Variants in RGS7 observed in about 807,000 individuals in gnomAD.
RGS7 encodes the protein regulator of G protein signaling 7.
RGS7 carries 27 observed loss-of-function variants against 81.1 expected under a neutral mutation model. The observed-to-expected ratio is 0.33, with a 90% confidence interval of 0.25 to 0.46. The LOEUF is 0.46. Among genes scored for constraint, RGS7 ranks in the 20% least tolerant of loss-of-function variants. The pLI is 1.00. For synonymous variants in RGS7, 208 were observed against 207.7 expected, an observed-to-expected ratio of 1.00 and a Z score of -0.01; for missense variants, 396 against 607.4, an observed-to-expected ratio of 0.65 and a Z score of 3.66.
At chr1:240,848,451 C>T (rs10926370) in intron 9 of RGS7, among the ~76,000 whole-genome samples, 105,896 of 151,854 alleles carry the variant, frequency 0.7, 37,886 homozygotes, top group Middle Eastern at 0.86. Context: ...TCAGGACACA[C>T]AATAATTTTT....
At chr1:241,301,297 G>A (rs2079739104) in intron 2 of RGS7, among the ~76,000 whole-genome samples, 1 of 152,200 alleles carries the variant, frequency 6.6e-6, no homozygotes, top group South Asian at 2.1e-4. Flanking sequence ...AATTTAATCA[G>A]CATTTACACC....
At chr1:241,001,873 G>A (rs1688190489) in intron 3 of RGS7, among the ~76,000 whole-genome samples, 1 of 152,032 alleles carries the variant, frequency 6.6e-6, no homozygotes, top group Admixed American at 6.6e-5. Context: ...ATAACCCATA[G>A]AATGCACAAC....
At chr1:241,009,540 A>G (rs2058849501) in intron 3 of RGS7, among the ~76,000 whole-genome samples, 1 of 152,230 alleles carries the variant, frequency 6.6e-6, no homozygotes, top group South Asian at 2.1e-4. Context: ...GAAGGAGTCT[A>G]TAGTGACCTG....
At chr1:241,030,389 T>C (rs6676088) in intron 3 of RGS7, among the ~76,000 whole-genome samples, 24,947 of 137,816 alleles carry the variant, frequency 0.18, 3,808 homozygotes, top group African/African-American at 0.36. Flanking sequence ...CACACATACA[T>C]ACACACACAC....
At chr1:241,132,761 G>C (rs1369926961) in intron 2 of RGS7, among the ~76,000 whole-genome samples, 1 of 152,056 alleles carries the variant, frequency 6.6e-6, no homozygotes, top group South Asian at 2.1e-4. Flanking sequence ...TTGTTTGTTT[G>C]TTTGTTTGTT....
intron 2 of RGS7, among the ~76,000 whole-genome samples, chr1:241,336,636 T>C (rs946794602): frequency 6.6e-6 from 1 of 152,212 alleles, no homozygotes; most frequent in African/African-American, 2.4e-5. Flanking sequence ...CTTTGTCCCA[T>C]TCCAGAAACT....
intron 6 of RGS7, among the ~76,000 whole-genome samples, chr1:240,904,017 T>C (rs1308699463): frequency 2.0e-5 from 3 of 152,198 alleles, no homozygotes; most frequent in Admixed American, 1.3e-4. Flanking sequence ...AGTCCGCTAT[T>C]CCTTCCTAGC....
rs1283124207 is a variant in RGS7 at position 241,294,000 on chromosome 1, T to C, written c.78+61699A>G. 3.3e-5 allele frequency among the ~76,000 whole-genome samples: 5 copies of C among 152,218 alleles called. No homozygotes were observed. The East Asian group carries it at 5.8e-4, about 18-fold the overall frequency. ...AAAGACACATGCACTTGTATGTTTA[T>C]TGCAGCACTATTTACCATAGCAAAC... On this transcript the variant is annotated intron_variant, in intron 2 of 18. Coordinates refer to ENST00000440928, the MANE Select transcript of RGS7 (RefSeq NM_001364886.1).
In RGS7 at chr1:240,868,120, A is replaced by AAGAAAGAAAGAAAGAAAG. The variant is rs1438160373; in HGVS notation, c.609+449_609+466dup. ...AAGAAAAAGAAAGAAAAGAAAAGGA[A>AAGAAAGAAAGAAAGAAAG]AGAAAGAAAGAAAGAAAGAAAGAAA... is the stretch of plus-strand genomic sequence containing the variant. On this transcript the variant is annotated intron_variant, in intron 9 of 18. Transcript: ENST00000440928. The surrounding 1 kb of genome is among the most constrained non-coding windows in gnomAD (Gnocchi z 5.1). Among the ~76,000 whole-genome samples, 1 of 98,722 alleles carries AAGAAAGAAAGAAAGAAAG rather than the reference A, an allele frequency of 1.0e-5. No homozygotes were observed. The highest frequency in any genetic ancestry group is 1.8e-5 in the Non-Finnish European group (1 of 54,486). The allele number at this position is 98,722 out of a possible 152,430, so 64.8% of individuals were successfully genotyped here. A position where few individuals can be genotyped will look rare whatever the true frequency, so the allele number is the denominator to read the frequency against.
intron 6 of RGS7, among the ~76,000 whole-genome samples, chr1:240,887,024 G>A: frequency 6.6e-6 from 1 of 152,082 alleles, no homozygotes; most frequent in Non-Finnish European, 1.5e-5. Context: ...TACTTGGTGT[G>A]TCTATTCCAT....
intron 2 of RGS7, among the ~76,000 whole-genome samples, chr1:241,192,208 T>TGTG (rs1558174235): frequency 4.6e-5 from 3 of 64,648 alleles, no homozygotes; most frequent in Non-Finnish European, 6.8e-5. Flanking sequence ...GTGTGTGTGT[T>TGTG]TTGCTTTGAT....
intron 6 of RGS7, among the ~76,000 whole-genome samples, chr1:240,903,487 T>C (rs1381648436): frequency 6.6e-6 from 1 of 151,986 alleles, no homozygotes. Context: ...GAATAATATA[T>C]TTATATCAAT....
intron 3 of RGS7, among the ~76,000 whole-genome samples, chr1:241,001,417 T>C (rs1422759514): frequency 6.6e-6 from 1 of 151,960 alleles, no homozygotes; most frequent in Non-Finnish European, 1.5e-5. Context: ...TAAGGATAAA[T>C]AGTAAAATAG....
rs990845568 is a variant in RGS7 at position 241,146,177 on chromosome 1, C to A, written c.79-47415G>T. On this transcript the variant is annotated intron_variant, in intron 2 of 18. Coordinates refer to ENST00000440928, the MANE Select transcript of RGS7 (RefSeq NM_001364886.1). Reference sequence around the variant, plus strand: ...ATCCACGGATTCAACTAACCAAGGACCAAAATATCCCAAAAATAAGAAGAA... The same window carrying A: ...ATCCACGGATTCAACTAACCAAGGAACAAAATATCCCAAAAATAAGAAGAA... Among the ~76,000 whole-genome samples, 11 of 151,610 alleles carry A rather than the reference C, an allele frequency of 7.3e-5. No individual in the cohort carries two copies. The East Asian group carries it at 1.9e-3, about 27-fold the overall frequency.
chr1:241,237,793 A>G (rs1440573902), intron 2 of RGS7, among the ~76,000 whole-genome samples: 1 of 152,128 alleles, frequency 6.6e-6, no homozygotes, highest in Non-Finnish European at 1.5e-5. Flanking sequence ...AAGCCTCCAG[A>G]CACCACCGTT....
intron 4 of RGS7, among the ~76,000 whole-genome samples, chr1:240,959,212 T>G (rs184964695): frequency 6.6e-5 from 10 of 152,358 alleles, no homozygotes; most frequent in Admixed American, 2.0e-4. Context: ...TGCCTTGATT[T>G]AAGCTGTGCA....
At chr1:241,190,046 T>A (rs1164008953) in intron 2 of RGS7, among the ~76,000 whole-genome samples, 3 of 151,822 alleles carry the variant, frequency 2.0e-5, no homozygotes, top group Admixed American at 2.0e-4. Flanking sequence ...GAGCTTGCAG[T>A]GAGCCGAGAT....
intron 18 of RGS7, among the ~76,000 whole-genome samples, chr1:240,785,891 G>A (rs1281775361): frequency 6.6e-6 from 1 of 152,172 alleles, no homozygotes; most frequent in Non-Finnish European, 1.5e-5. Context: ...AGGTGGGTGA[G>A]TTCCTAGAAT....
chr1:240,812,867 T>G, intron 13 of RGS7, among the ~76,000 whole-genome samples: 1 of 152,224 alleles, frequency 6.6e-6, no homozygotes, highest in South Asian at 2.1e-4. Context: ...TAATCCCAAC[T>G]GAGTCACAAC....
Sources: allele counts gnomAD v4.1 joint callset (sites outside exome capture counted in the v4.1 genomes callset), GRCh38; gene constraint gnomAD v4.1.1; non-coding constraint Gnocchi (gnomAD v3.1); transcripts MANE v1.5; gene names NCBI Gene and HGNC (gene_info 2026-07-23, HGNC 2026-07-21).